Variants in TPPP2 observed in about 807,000 individuals in gnomAD.
TPPP2 encodes the protein tubulin polymerization promoting protein family member 2.
TPPP2 carries 8 observed loss-of-function variants against 13.0 expected under a neutral mutation model. The observed-to-expected ratio is 0.62, with a 90% CI of 0.36 to 1.11. The LOEUF is 1.11. Ranked by LOEUF, TPPP2 falls within the 50% of genes most tolerant of loss-of-function variation. TPPP2 has a pLI of 0.02. For synonymous variants in TPPP2, 81 were observed against 81.8 expected, an observed-to-expected ratio of 0.99 and a Z score of 0.05; for missense variants, 213 against 216.9, an observed-to-expected ratio of 0.98 and a Z score of 0.11.
downstream of TPPP2, chr14:21,034,427 C>T: frequency 1.5e-6 from 1 of 671,242 alleles, no homozygotes; most frequent in Non-Finnish European, 2.5e-6. Flanking sequence ...TTCTCATGAC[C>T]CAGAAAGAGG....
At chr14:21,033,591 T>G (rs1884397014), downstream of TPPP2, 1 of 579,358 alleles carries the variant, frequency 1.7e-6, no homozygotes, top group Non-Finnish European at 3.1e-6. Flanking sequence ...GGAAGGATGA[T>G]GAGGAGGTGG....
intron 1 of TPPP2, chr14:21,024,758 G>T (rs1017345165): frequency 2.0e-6 from 2 of 985,368 alleles, no homozygotes. Context: ...CCGTCCCTAC[G>T]AGTCCCTACG....
At chr14:21,025,294 C>T (rs1883315415), upstream of TPPP2, 6 of 948,988 alleles carry the variant, frequency 6.3e-6, no homozygotes, top group South Asian at 2.4e-4. This position sits in a 1 kb window ranked among gnomAD's most constrained non-coding sequence, Gnocchi z 5.1. Flanking sequence ...CAAAACATTC[C>T]ACCACCCCCT....
chr14:21,029,802 G>A (rs1243457), upstream of TPPP2, among the ~76,000 whole-genome samples: 14,578 of 152,148 alleles, frequency 0.096, 990 homozygotes, highest in East Asian at 0.27. Context: ...TCTATGGACC[G>A]GAAAGCAGCC....
intron 2 of TPPP2, 52 bp from the exon 3 acceptor site, chr14:21,030,959 GA>G: frequency 6.4e-7 from 1 of 1,563,170 alleles, no homozygotes; most frequent in Non-Finnish European, 8.7e-7. Context: ...TTGGACCTTG[GA>G]AGGTAATGCA....
Position 21,030,672 on chromosome 14 carries a change from T to A in TPPP2, c.91T>A (p.Ser31Thr). 7 of 1,614,120 alleles carry A rather than the reference T, an allele frequency of 4.3e-6. No homozygotes were observed. Among genetic ancestry groups the A allele is most frequent in the Non-Finnish European group, 5.9e-6 (7 of 1,180,010 alleles). Residue 31 changes from serine (S) to threonine (T), a missense_variant, in exon 2 of 4, where the codon TCC (serine) becomes ACC (threonine). Transcript: ENST00000321760. ...CACTGAAATGAACAACAAGAACTTCTCCAAGCTGTGCAAAGACTGTGGCAT... is the reference window on the plus strand; with the variant it reads ...CACTGAAATGAACAACAAGAACTTCACCAAGCTGTGCAAAGACTGTGGCAT... The part of the protein sequence containing the change: ...SGTEMNNKNF[S>T]KLCKDCGIMD...
intron 1 of TPPP2, chr14:21,024,820 C>T (rs1340205587): frequency 2.0e-6 from 2 of 985,572 alleles, no homozygotes; most frequent in Admixed American, 1.2e-4. Context: ...GCCAAGCGCC[C>T]CGGACCTTGC....
intron 2 of TPPP2, 79 bp from the exon 3 acceptor site, chr14:21,030,933 C>T: frequency 6.5e-7 from 1 of 1,544,378 alleles, no homozygotes; most frequent in Non-Finnish European, 8.7e-7. Context: ...GAGGCCAAAT[C>T]TGAGTGAGGC....
In TPPP2 at chr14:21,032,287, T is replaced by A. The variant is rs1399653065; in HGVS notation, c.*210T>A. 3.0e-6 allele frequency: 2 copies of A among 662,454 alleles called. No individual in the cohort carries two copies. The highest frequency in any genetic ancestry group is 4.1e-5 in the Admixed American group (2 of 48,540). 41.0% of individuals were successfully genotyped at this position (662,454 alleles called of 1,614,324 possible). A position where few individuals can be genotyped will look rare whatever the true frequency, so the allele number is the denominator to read the frequency against. ...CCTTCGCTCTGCTTAGCCTTATGCC[T>A]ACCAGCCATCAGTTAGCATTCCTCC... On this transcript the variant is annotated 3_prime_UTR_variant, in exon 4 of 4. Coordinates refer to ENST00000321760, the MANE Select transcript of TPPP2 (RefSeq NM_173846.5).
upstream of TPPP2, chr14:21,025,734 G>A: frequency 1.3e-6 from 1 of 743,846 alleles, no homozygotes; most frequent in Non-Finnish European, 1.6e-6. This position sits in a 1 kb window ranked among gnomAD's most constrained non-coding sequence, Gnocchi z 5.1. Flanking sequence ...GGAGAAGTTG[G>A]ACAACAAGGC....
upstream of TPPP2, among the ~76,000 whole-genome samples, chr14:21,026,398 G>A (rs1883632446): frequency 6.7e-6 from 1 of 149,408 alleles, no homozygotes; most frequent in Non-Finnish European, 1.5e-5. Flanking sequence ...CGCCAGGCCA[G>A]TCAGGAACAA....
chr14:21,025,108 C>T lies in TPPP2; in HGVS notation n.236+764C>T, dbSNP rs1242306255. Reference sequence around the variant, plus strand: ...CGGCTCGGGCTTCCCGCAGACCCGCCCCCGGCCCGCCCCAGCCCGCCCACG... The same window carrying T: ...CGGCTCGGGCTTCCCGCAGACCCGCTCCCGGCCCGCCCCAGCCCGCCCACG... On this transcript the variant is annotated intron_variant and non_coding_transcript_variant, in intron 1 of 1. Transcript: ENST00000533755. The surrounding 1 kb of genome is among the most constrained non-coding windows in gnomAD (Gnocchi z 5.1). 2.0e-6 allele frequency: 2 copies of T among 985,162 alleles called. No homozygotes were observed. The highest frequency in any genetic ancestry group is 2.4e-6 in the Non-Finnish European group (2 of 829,810). The allele number at this position is 985,162 out of a possible 1,614,324, so 61.0% of individuals were successfully genotyped here.
At chr14:21,024,580 C>T (rs1229645351) in intron 1 of TPPP2, 20 of 985,358 alleles carry the variant, frequency 2.0e-5, no homozygotes, top group Non-Finnish European at 2.4e-5. Flanking sequence ...TTGGTGCCGT[C>T]GCTTCTCTCC....
chr14:21,036,060 A>G (rs1306784580), downstream of TPPP2: 2 of 389,888 alleles, frequency 5.1e-6, no homozygotes, highest in South Asian at 3.8e-5. Flanking sequence ...TAAGATGTAT[A>G]TCAAGAGTTT....
upstream of TPPP2, among the ~76,000 whole-genome samples, chr14:21,027,542 GA>G (rs1883776123): frequency 6.6e-6 from 1 of 152,192 alleles, no homozygotes; most frequent in South Asian, 2.1e-4. Context: ...TGGGAGATTA[GA>G]GATTTCCAAC....
upstream of TPPP2, chr14:21,025,762 G>A (rs1883517935): frequency 1.9e-5 from 5 of 263,070 alleles, no homozygotes; most frequent in South Asian, 8.0e-4. The surrounding 1 kb of genome is among the most constrained non-coding windows in gnomAD (Gnocchi z 5.1). Flanking sequence ...TGGGGGCGGG[G>A]AATGCGGGGG....
downstream of TPPP2, chr14:21,033,303 G>A: frequency 3.2e-6 from 1 of 311,716 alleles, no homozygotes; most frequent in Non-Finnish European, 6.2e-6. Context: ...GGGAAGTGAG[G>A]CTAACATGAG....
rs1292791221 is a variant in TPPP2, at chr14:21,030,410, C to A, written c.-69-103C>A. The A allele has an allele frequency of 3.5e-5, 23 of 655,032 alleles. 1 individual carries two copies. In the East Asian group the frequency reaches 6.1e-4, roughly 17 times the overall value. The allele number at this position is 655,032 out of a possible 1,614,324, so 40.6% of individuals were successfully genotyped here. ...GACTCATGCTGTAGTTGCGTAGGTG[C>A]AATGGGAGCTGGGAGGGAGAAAGGA... On this transcript the variant is annotated intron_variant, in intron 1 of 3. Transcript: ENST00000321760.
intron 1 of TPPP2, chr14:21,024,678 C>T (rs1029883745): frequency 5.1e-6 from 5 of 985,392 alleles, no homozygotes; most frequent in Non-Finnish European, 6.0e-6. Context: ...CCCGACGGCC[C>T]GCGAAGGCAA....
Sources: gnomAD v4.1 joint callset for allele counts (sites outside exome capture counted in the v4.1 genomes callset) on GRCh38, gnomAD v4.1.1 for gene constraint, Gnocchi (gnomAD v3.1) non-coding constraint, MANE v1.5 for transcripts, NCBI Gene and HGNC (gene_info 2026-07-23, HGNC 2026-07-21) for gene names.